The following DNAJB2 variants were observed in gnomAD, a reference collection of about 807,000 sequenced individuals.
The protein encoded by DNAJB2 is DnaJ heat shock protein family (Hsp40) member B2, also known as dnaJ homolog subfamily B member 2.
In DNAJB2, 19 loss-of-function variants were observed where a neutral mutation model predicts 33.3. That is an observed-to-expected ratio of 0.57 (90% CI 0.40 to 0.84). The LOEUF (loss-of-function observed/expected upper bound fraction) is 0.84, where lower values mean the gene tolerates loss of function less well. Ranked by LOEUF, DNAJB2 falls within the 40% of genes least tolerant of loss-of-function variation. The probability of loss-of-function intolerance (pLI) is 0.00; values close to 1 mark genes in which losing one functional copy is unlikely to be tolerated. For missense variants in DNAJB2, 368 were observed against 430.9 expected (o/e 0.85, Z 1.29); for synonymous variants, 172 against 164.6 (o/e 1.04, Z -0.34).
At chr2:219,282,189 G>C in intron 5 of DNAJB2, 128 bp downstream of exon 5, 1 of 1,525,830 alleles carries the variant, frequency 6.6e-7, no homozygotes, top group Non-Finnish European at 9.0e-7. Context: ...AGATTTTGTG[G>C]AGCTGGGTCC....
At chr2:219,281,884 C>G (rs1390998947) in intron 4 of DNAJB2, 55 bp from the exon 5 acceptor site, 1 of 1,581,274 alleles carries the variant, frequency 6.3e-7, no homozygotes, top group East Asian at 2.4e-5. Context: ...AGGTGAGGTC[C>G]CCCGCTCAGG....
Position 219,285,559 on chromosome 2 carries a change from CT to C in DNAJB2, c.*575del. 1 of 1,031,084 alleles carries C rather than the reference CT, an allele frequency of 9.7e-7. No homozygotes were observed. The highest frequency in any genetic ancestry group is 1.2e-6 in the Non-Finnish European group (1 of 859,062). 63.9% of individuals were successfully genotyped at this position (1,031,084 alleles called of 1,614,324 possible). On this transcript the variant is annotated 3_prime_UTR_variant, in exon 9 of 9. Coordinates refer to ENST00000336576, the MANE Select transcript of DNAJB2 (RefSeq NM_006736.6). ...AACTCCCTGCGGGCCGCATCGCTTG[CT>C]TTCACTGCCGTCTGGCTAGGACTCC...
At chr2:219,280,262 G>C (rs1400431815) in intron 2 of DNAJB2, 1 of 519,742 alleles carries the variant, frequency 1.9e-6, no homozygotes, top group African/African-American at 1.9e-5. Context: ...TGAGGAGGAG[G>C]GGCCGGTGTC....
rs1442855073 is a variant in DNAJB2, at chr2:219,282,324, G to A, written c.352+263G>A. On this transcript the variant is annotated intron_variant, in intron 5 of 8. Transcript: ENST00000336576. The stretch of plus-strand genomic sequence containing the variant: ...GTTAGACTTCTATAGTAACAGCCAT[G>A]AAAGCAAGACTCAAAGCATCTTGTG... 9 of 528,378 alleles carry A rather than the reference G, an allele frequency of 1.7e-5. No homozygotes were observed. In the African/African-American group the frequency reaches 1.7e-4, roughly 10 times the overall value. 32.7% of individuals were successfully genotyped at this position (528,378 alleles called of 1,614,324 possible). A position where few individuals can be genotyped will look rare whatever the true frequency, so the allele number is the denominator to read the frequency against.
rs189908516 is a variant in DNAJB2 at position 219,285,471 on chromosome 2, C to T, written c.*484C>T. 7.0e-4 allele frequency: 709 copies of T among 1,006,386 alleles called. 9 individuals carry two copies. Among genetic ancestry groups the T allele is most frequent in the Middle Eastern group, 5.1e-4 (1 of 1,976 alleles). 62.3% of individuals were successfully genotyped at this position (1,006,386 alleles called of 1,614,324 possible). ...CAACCCTGGTTTCTGTGCCATGTTGCGCTCTGACCGTCTCTGTTGCTTCTC... is the reference window on the plus strand; with the variant it reads ...CAACCCTGGTTTCTGTGCCATGTTGTGCTCTGACCGTCTCTGTTGCTTCTC... On this transcript the variant is annotated 3_prime_UTR_variant, in exon 9 of 9. Coordinates refer to ENST00000336576, the MANE Select transcript of DNAJB2 (RefSeq NM_006736.6).
intron 2 of DNAJB2, 130 bp downstream of exon 2, chr2:219,280,028 A>G (rs1345487637): frequency 7.3e-6 from 7 of 964,346 alleles, no homozygotes; most frequent in Non-Finnish European, 1.1e-5. Context: ...GCTTCTTCCG[A>G]GTGACACCTG....
chr2:219,284,627 T>C lies in DNAJB2; in HGVS notation c.620-5T>C. 6.3e-7 allele frequency: 1 copy of C among 1,577,678 alleles called. No individual in the cohort carries two copies. The highest frequency in any genetic ancestry group is 8.6e-7 in the Non-Finnish European group (1 of 1,157,298). On this transcript the variant is annotated splice_region_variant and splice_polypyrimidine_tract_variant and intron_variant, in intron 8 of 8. Transcript: ENST00000336576. Reference sequence around the variant, plus strand: ...GGGGCCTCATGGTGGCTGTGACTCTTGCAGGTGTCCCAGATGACCTGGCAC... The same window carrying C: ...GGGGCCTCATGGTGGCTGTGACTCTCGCAGGTGTCCCAGATGACCTGGCAC...
rs1173957982 is a variant in DNAJB2, at chr2:219,279,838, C to T, written c.5C>T (p.Ala2Val). The change falls in exon 2 of 9, where the codon GCA (alanine) becomes GTA (valine). Residue 2 changes from alanine to valine, a missense_variant. By Grantham distance (64) the Ala-to-Val change is moderately conservative (BLOSUM62 0). Transcript: ENST00000336576. This position sits in a 1 kb window ranked among gnomAD's most constrained non-coding sequence, Gnocchi z 4.9. ...CCTGACGACTGACCAGTTGCCATGGCATCCTACTACGAGATCCTAGACGTG... is the reference window on the plus strand; with the variant it reads ...CCTGACGACTGACCAGTTGCCATGGTATCCTACTACGAGATCCTAGACGTG... M[A>V]SYYEILDVPR... 6.2e-7 allele frequency: 1 copy of T among 1,613,892 alleles called. No homozygotes were observed. Among genetic ancestry groups the T allele is most frequent in the African/African-American group, 1.3e-5 (1 of 74,930 alleles).
Position 219,282,222 on chromosome 2 carries a change from C to T in DNAJB2, c.352+161C>T, listed in dbSNP as rs1574900538. The T allele has an allele frequency of 5.5e-6, 6 of 1,089,922 alleles. No individual in the cohort carries two copies. The East Asian group carries it at 1.5e-4, about 27-fold the overall frequency. 67.5% of individuals were successfully genotyped at this position (1,089,922 alleles called of 1,614,324 possible). A position where few individuals can be genotyped will look rare whatever the true frequency, so the allele number is the denominator to read the frequency against. ...TCCAGTGAGAGCCGGGACAGAACCT[C>T]ACGTGTGCCAGAACCCCCGTAATCC... On this transcript the variant is annotated intron_variant, in intron 5 of 8. Coordinates refer to ENST00000336576, the MANE Select transcript of DNAJB2 (RefSeq NM_006736.6).
At position 219,279,827 on chromosome 2, in the gene DNAJB2, A is replaced by G. The variant is rs373472689; in HGVS notation, c.-7A>G. 12 of 1,613,910 alleles carry G rather than the reference A, an allele frequency of 7.4e-6. No individual in the cohort carries two copies. In the African/African-American group the frequency reaches 1.3e-4, roughly 18 times the overall value. ...AAGGAGGCCCGCCTGACGACTGACC[A>G]GTTGCCATGGCATCCTACTACGAGA... On this transcript the variant is annotated 5_prime_UTR_variant, in exon 2 of 9. Coordinates refer to ENST00000336576, the MANE Select transcript of DNAJB2 (RefSeq NM_006736.6). This position sits in a 1 kb window ranked among gnomAD's most constrained non-coding sequence, Gnocchi z 4.9.
chr2:219,284,941 G>C lies in DNAJB2; in HGVS notation c.929G>C (p.Arg310Pro), dbSNP rs143306245. 107 of 1,561,076 alleles carry C rather than the reference G, an allele frequency of 6.9e-5. No individual in the cohort carries two copies. In the Admixed American group the frequency reaches 1.9e-3, roughly 28 times the overall value. ...QEGARGEATKRSPSPEEKASR... is the reference protein window; with the variant it reads ...QEGARGEATKPSPSPEEKASR... ...GGTGCGAGGGGTGAAGCAACCAAAC[G>C]CAGTCCATCCCCAGAGGAGAAGGCC... The change falls in exon 9 of 9, where the codon CGC becomes CCC. Residue 310 changes from arginine to proline, a missense_variant. By Grantham distance (103) the Arg-to-Pro change is moderately radical. Transcript: ENST00000336576.
chr2:219,284,893 C>T lies in DNAJB2; in HGVS notation c.881C>T (p.Pro294Leu). The T allele has an allele frequency of 2.5e-6, 4 of 1,605,790 alleles. No homozygotes were observed. Among genetic ancestry groups the T allele is most frequent in the Non-Finnish European group, 3.4e-6 (4 of 1,174,612 alleles). The change falls in exon 9 of 9, where the codon CCA (proline) becomes CTA (leucine). Residue 294 changes from proline to leucine, a missense_variant. Transcript: ENST00000336576. The stretch of plus-strand genomic sequence containing the variant: ...CGGCCCAAGGCCCAGCACCAAGATC[C>T]AGGCTTGGGGGGGACCCAGGAGGGT... ...QGRPKAQHQD[P>L]GLGGTQEGAR...
At position 219,279,971 on chromosome 2, in the gene DNAJB2, C is replaced by T. The variant is rs1951889729; in HGVS notation, c.65+73C>T. The T allele has an allele frequency of 1.8e-5, 28 of 1,557,570 alleles. No individual in the cohort carries two copies. The South Asian group carries it at 2.9e-4, about 16-fold the overall frequency. On this transcript the variant is annotated intron_variant, in intron 2 of 8. Transcript: ENST00000336576. The surrounding 1 kb of genome is among the most constrained non-coding windows in gnomAD (Gnocchi z 4.9). ...ACCACCATGGGGCACTTCAGAGTGA[C>T]ACCTGTAGGTGTCTGAGGGAACCAG...
rs1414940765 is a variant in DNAJB2, at chr2:219,279,650, C to T, written c.-37+132C>T. On this transcript the variant is annotated intron_variant, in intron 1 of 8. Coordinates refer to ENST00000336576, the MANE Select transcript of DNAJB2 (RefSeq NM_006736.6). The surrounding 1 kb of genome is among the most constrained non-coding windows in gnomAD (Gnocchi z 4.9). The stretch of plus-strand genomic sequence containing the variant: ...CGGCCTGCGGGGGCAGATAAGGCTG[C>T]CGGAGGGAGCCTAGTCACCGGCCGC... 6 of 625,350 alleles carry T rather than the reference C, an allele frequency of 9.6e-6. No homozygotes were observed. Among genetic ancestry groups the T allele is most frequent in the Non-Finnish European group, 1.7e-5 (6 of 362,622 alleles). 38.7% of individuals were successfully genotyped at this position (625,350 alleles called of 1,614,324 possible). A position where few individuals can be genotyped will look rare whatever the true frequency, so the allele number is the denominator to read the frequency against.
chr2:219,280,567 A>G lies in DNAJB2; in HGVS notation c.66-11A>G. On this transcript the variant is annotated splice_polypyrimidine_tract_variant and intron_variant, in intron 2 of 8. Transcript: ENST00000336576. ...TCCCCCGACTCTCTCCTCTGCACCC[A>G]CTTTCTGCAGGTATCGGCGCAAGGC... 1 of 1,611,084 alleles carries G rather than the reference A, an allele frequency of 6.2e-7. No individual in the cohort carries two copies. Among genetic ancestry groups the G allele is most frequent in the Non-Finnish European group, 8.5e-7 (1 of 1,177,464 alleles).
In DNAJB2 at chr2:219,285,516, C is replaced by T; in HGVS notation, c.*529C>T. The T allele has an allele frequency of 2.0e-6, 2 of 1,011,528 alleles. No homozygotes were observed. Among genetic ancestry groups the T allele is most frequent in the Non-Finnish European group, 2.4e-6 (2 of 846,734 alleles). 62.7% of individuals were successfully genotyped at this position (1,011,528 alleles called of 1,614,324 possible). On this transcript the variant is annotated 3_prime_UTR_variant, in exon 9 of 9. Transcript: ENST00000336576. ...CTTCTCTTCTGGTGTTGCTTCTCCT[C>T]CCTCCCATTCTCTCTGCAACTCCCT...
In DNAJB2 at chr2:219,282,912, C is replaced by T. The variant is rs1303904500; in HGVS notation, c.428C>T (p.Ser143Phe). Residue 143 changes from serine (S) to phenylalanine (F), a missense_variant, in exon 6 of 9, where the codon TCC (serine) becomes TTC (phenylalanine). Physicochemically the swap from Ser to Phe is radical, Grantham distance 155. Transcript: ENST00000336576. ...HSGPFFTFSS[S>F]FPGHSDFSSS... The stretch of plus-strand genomic sequence containing the variant: ...GGCCCCTTCTTTACCTTCTCTTCCT[C>T]CTTCCCTGGGCACTCCGGTAAGTTC... 6.2e-7 allele frequency: 1 copy of T among 1,604,652 alleles called. No homozygotes were observed.
chr2:219,280,617 C>T lies in DNAJB2; in HGVS notation c.105C>T (p.Asn35=), dbSNP rs1410908598. 1 of 1,614,102 alleles carries T rather than the reference C, an allele frequency of 6.2e-7. No individual in the cohort carries two copies. Among genetic ancestry groups the T allele is most frequent in the Non-Finnish European group, 8.5e-7 (1 of 1,180,010 alleles). ...CTCTCCAGTGGCACCCAGACAAAAA[C>T]CCAGATAATAAAGAGTTTGCTGAGA... ...RKALQWHPDK[N]PDNKEFAEKK... The change falls in exon 3 of 9, where the codon AAC becomes AAT. Residue 35 remains asparagine, a synonymous_variant. Coordinates refer to ENST00000336576, the MANE Select transcript of DNAJB2 (RefSeq NM_006736.6).
chr2:219,285,955 C>CT lies in DNAJB2; in HGVS notation c.*969dup. 6.2e-7 allele frequency: 1 copy of CT among 1,611,002 alleles called. No homozygotes were observed. The highest frequency in any genetic ancestry group is 2.2e-5 in the East Asian group (1 of 44,890). On this transcript the variant is annotated 3_prime_UTR_variant, in exon 9 of 9. Transcript: ENST00000336576. ...CTCCACAGCTTGCCGCTGACGCTCT[C>CT]TCCTGTCACCCCGCCCCTGCTCTCT... is the stretch of plus-strand genomic sequence containing the variant.
Sources: gnomAD v4.1 joint callset for allele counts on GRCh38, gnomAD v4.1.1 for gene constraint, Gnocchi (gnomAD v3.1) non-coding constraint, MANE v1.5 for transcripts, NCBI Gene and HGNC (gene_info 2026-07-23, HGNC 2026-07-21) for gene names.